Variants in PCMTD1 observed in about 807,000 individuals in gnomAD.
PCMTD1 encodes protein-L-isoaspartate (D-aspartate) O-methyltransferase domain containing 1, also known as protein-L-isoaspartate O-methyltransferase domain-containing protein 1.
PCMTD1 carries 12 observed loss-of-function variants against 37.6 expected under a neutral mutation model. That is an observed-to-expected ratio of 0.32 (90% CI 0.20 to 0.52). PCMTD1 has a LOEUF of 0.52. PCMTD1 is among the 20% of genes least tolerant of loss of function. The pLI is 0.97. For synonymous variants in PCMTD1, 117 were observed against 135.8 expected (o/e 0.86, Z 0.96); for missense variants, 235 against 421.3 (o/e 0.56, Z 3.87).
chr8:51,821,076 G>A (rs544738154), intron 5 of PCMTD1, among the ~76,000 whole-genome samples: 1 of 147,334 alleles, frequency 6.8e-6, no homozygotes, highest in South Asian at 2.1e-4. Flanking sequence ...ACTTTTTGAT[G>A]TATAAATCAT....
chr8:51,889,812 GTT>G (rs986478425), intron 1 of PCMTD1, among the ~76,000 whole-genome samples: 5 of 151,962 alleles, frequency 3.3e-5, no homozygotes, highest in African/African-American at 1.2e-4. Flanking sequence ...TAGATTCTAT[GTT>G]AATAGTGTCT....
At chr8:51,888,697 C>T (rs936340872) in intron 1 of PCMTD1, among the ~76,000 whole-genome samples, 3 of 152,062 alleles carry the variant, frequency 2.0e-5, no homozygotes, top group Non-Finnish European at 2.9e-5. Context: ...TATCTAGCAC[C>T]GAGTAAAACA....
chr8:51,848,391 T>C (rs956996651), intron 2 of PCMTD1, among the ~76,000 whole-genome samples: 1 of 151,258 alleles, frequency 6.6e-6, no homozygotes, highest in African/African-American at 2.4e-5. Context: ...ATTAAAAAGG[T>C]CAATACTGCT....
chr8:51,890,616 T>C (rs551904630), intron 1 of PCMTD1, among the ~76,000 whole-genome samples: 1 of 152,328 alleles, frequency 6.6e-6, no homozygotes, highest in East Asian at 1.9e-4. Context: ...GATATAATGA[T>C]ACATAATCAG....
chr8:51,854,807 G>A (rs1034985574), intron 2 of PCMTD1, among the ~76,000 whole-genome samples: 10 of 151,856 alleles, frequency 6.6e-5, no homozygotes, highest in Non-Finnish European at 1.2e-4. Context: ...AACCTGGGAG[G>A]CGGAGGTTGC....
At position 51,861,242 on chromosome 8, in the gene PCMTD1, T is replaced by C; in HGVS notation, c.-91A>G. On this transcript the variant is annotated 5_prime_UTR_variant, in exon 2 of 6. Transcript: ENST00000522514. The stretch of plus-strand genomic sequence containing the variant: ...TTGCACTTGATTTCCAAAAATAAAT[T>C]AATCCTGGAAGGGAAGAACAAAAAT... 6.8e-7 allele frequency: 1 copy of C among 1,460,830 alleles called. No homozygotes were observed. Among genetic ancestry groups the C allele is most frequent in the Non-Finnish European group, 9.1e-7 (1 of 1,103,360 alleles). 90.5% of individuals were successfully genotyped at this position (1,460,830 alleles called of 1,614,324 possible).
At chr8:51,846,240 T>TG (rs2038218194) in intron 2 of PCMTD1, among the ~76,000 whole-genome samples, 1 of 152,186 alleles carries the variant, frequency 6.6e-6, no homozygotes, top group Non-Finnish European at 1.5e-5. Flanking sequence ...CCATGCCTTT[T>TG]GGAGCTCCCA....
intron 1 of PCMTD1, among the ~76,000 whole-genome samples, chr8:51,889,562 T>C (rs1017883903): frequency 2.6e-5 from 4 of 152,232 alleles, no homozygotes; most frequent in Non-Finnish European, 5.9e-5. Flanking sequence ...CATCATTTTA[T>C]AGAAAATAAA....
rs918971345 is a variant in PCMTD1 at position 51,817,976 on chromosome 8, A to C, written c.*2375T>G. The stretch of plus-strand genomic sequence containing the variant: ...ATGATACTTACTGTTTTAACTAGCT[A>C]TAAAATTCCAATACTATATTCCCCA... On this transcript the variant is annotated 3_prime_UTR_variant, in exon 6 of 6. Transcript: ENST00000522514. The C allele has an allele frequency of 1.8e-5, 8 of 456,458 alleles. No individual in the cohort carries two copies. The highest frequency in any genetic ancestry group is 2.6e-5 in the Non-Finnish European group (6 of 226,914). The allele number at this position is 456,458 out of a possible 1,614,324, so 28.3% of individuals were successfully genotyped here.
chr8:51,855,616 C>T (rs1463752166), intron 2 of PCMTD1, among the ~76,000 whole-genome samples: 1 of 151,618 alleles, frequency 6.6e-6, no homozygotes, highest in Non-Finnish European at 1.5e-5. Flanking sequence ...CTGTTTGATG[C>T]ATAAAACAGA....
intron 1 of PCMTD1, among the ~76,000 whole-genome samples, chr8:51,874,394 G>A (rs1360156542): frequency 6.7e-6 from 1 of 148,870 alleles, no homozygotes. Context: ...ACCAAGTTAA[G>A]AAAGACTCAG....
chr8:51,884,659 G>A (rs1480130266), intron 1 of PCMTD1, among the ~76,000 whole-genome samples: 1 of 152,198 alleles, frequency 6.6e-6, no homozygotes, highest in African/African-American at 2.4e-5. Context: ...ATGCTTGGCA[G>A]GCTTCCCCAG....
At chr8:51,898,282 T>C (rs796641786) in intron 1 of PCMTD1, among the ~76,000 whole-genome samples, 4 of 152,218 alleles carry the variant, frequency 2.6e-5, no homozygotes, top group African/African-American at 9.6e-5. Flanking sequence ...TCCCTCGGGT[T>C]CTGCCCGTGG....
intron 1 of PCMTD1, among the ~76,000 whole-genome samples, chr8:51,867,109 C>T (rs73592228): frequency 0.03 from 4,603 of 152,068 alleles, 110 homozygotes; most frequent in African/African-American, 0.064. Flanking sequence ...AAATGGTCAT[C>T]GCAGAAATGC....
At chr8:51,865,117 A>G (rs1001436445) in intron 1 of PCMTD1, among the ~76,000 whole-genome samples, 1 of 152,140 alleles carries the variant, frequency 6.6e-6, no homozygotes, top group African/African-American at 2.4e-5. Flanking sequence ...CAACCTACCC[A>G]AGTTGAATCA....
rs377318397 is a variant in PCMTD1, at chr8:51,873,023, T to G, written c.-95-11777A>C. 5.9e-5 allele frequency among the ~76,000 whole-genome samples: 9 copies of G among 152,336 alleles called. No homozygotes were observed. In the South Asian group the frequency reaches 1.2e-3, roughly 21 times the overall value. On this transcript the variant is annotated intron_variant, in intron 1 of 5. Transcript: ENST00000522514. ...GACATACACAGGTTAACTACAAAGT[T>G]TTTGGACTTATAAAATGGCATCTTT...
intron 3 of PCMTD1, chr8:51,839,398 T>C: frequency 4.2e-6 from 4 of 945,148 alleles, no homozygotes; most frequent in Non-Finnish European, 5.0e-6. Context: ...TATCTCGGTT[T>C]AGAACATGAA....
At chr8:51,892,966 A>C (rs1032219407) in intron 1 of PCMTD1, among the ~76,000 whole-genome samples, 2 of 152,242 alleles carry the variant, frequency 1.3e-5, no homozygotes, top group Non-Finnish European at 2.9e-5. Flanking sequence ...TGTATCACTT[A>C]AAATTTGCAA....
intron 5 of PCMTD1, among the ~76,000 whole-genome samples, chr8:51,821,490 A>G (rs530254820): frequency 6.6e-6 from 1 of 152,162 alleles, no homozygotes; most frequent in African/African-American, 2.4e-5. Flanking sequence ...CATCTTCCAA[A>G]ATTGTTCACT....
Sources: allele counts gnomAD v4.1 joint callset (sites outside exome capture counted in the v4.1 genomes callset), GRCh38; gene constraint gnomAD v4.1.1; transcripts MANE v1.5; gene names NCBI Gene and HGNC (gene_info 2026-07-23, HGNC 2026-07-21).